Variants in SNTB1 observed in about 807,000 individuals in gnomAD.
SNTB1 encodes beta-1-syntrophin.
Under a neutral mutation model 48.9 loss-of-function variants are expected in SNTB1, and 36 were observed. That is an observed-to-expected ratio of 0.74 (90% CI 0.56 to 0.97). The LOEUF (loss-of-function observed/expected upper bound fraction) is 0.97, where lower values mean the gene tolerates loss of function less well. SNTB1 is among the 50% of genes least tolerant of loss of function. The pLI, the probability that SNTB1 is intolerant of heterozygous loss-of-function variation, is 0.00. For synonymous variants in SNTB1, 299 were observed against 294.6 expected (o/e 1.01, Z -0.15); for missense variants, 786 against 703.4 (o/e 1.12, Z -1.33).
intron 2 of SNTB1, among the ~76,000 whole-genome samples, chr8:120,673,210 A>G (rs1817783560): frequency 6.6e-6 from 1 of 152,072 alleles, no homozygotes; most frequent in South Asian, 2.1e-4. Flanking sequence ...AATTGCCTGC[A>G]TTCAATTCTC....
intron 2 of SNTB1, among the ~76,000 whole-genome samples, chr8:120,665,700 C>T (rs2129765582): frequency 6.6e-6 from 1 of 152,116 alleles, no homozygotes; most frequent in East Asian, 1.9e-4. Context: ...TAGTTGTATG[C>T]TTTACTTTGA....
intron 3 of SNTB1, among the ~76,000 whole-genome samples, chr8:120,590,675 C>A (rs867012576): frequency 2.9e-5 from 4 of 139,030 alleles, no homozygotes; most frequent in Middle Eastern, 3.7e-3. Context: ...CTTTTGTTTT[C>A]TTTTCTTTTC....
intron 2 of SNTB1, among the ~76,000 whole-genome samples, chr8:120,672,520 T>C (rs1817775671): frequency 6.6e-6 from 1 of 152,166 alleles, no homozygotes; most frequent in Non-Finnish European, 1.5e-5. Flanking sequence ...TGTACAATGA[T>C]AATAAAACCT....
At position 120,644,624 on chromosome 8, in the gene SNTB1, C is replaced by T. The variant is rs970410606; in HGVS notation, c.789-11973G>A. 3.3e-5 allele frequency among the ~76,000 whole-genome samples: 5 copies of T among 151,982 alleles called. No individual in the cohort carries two copies. The South Asian group carries it at 6.3e-4, about 19-fold the overall frequency. ...TGTGAATAATGTCGCAATAAACATG[C>T]GTGTGCATGTGTCTTTATAGCAGCA... On this transcript the variant is annotated intron_variant, in intron 2 of 6. Coordinates refer to ENST00000517992, the MANE Select transcript of SNTB1 (RefSeq NM_021021.4).
intron 3 of SNTB1, among the ~76,000 whole-genome samples, chr8:120,619,426 G>A (rs982318562): frequency 7.2e-5 from 11 of 152,116 alleles, no homozygotes; most frequent in African/African-American, 2.7e-4. Flanking sequence ...TTCCAGACAT[G>A]AAGTAATATG....
At chr8:120,540,943 A>G (rs548401785) in intron 6 of SNTB1, among the ~76,000 whole-genome samples, 1 of 152,278 alleles carries the variant, frequency 6.6e-6, no homozygotes, top group East Asian at 1.9e-4. Context: ...CCTGAAAGCC[A>G]ACAAATCCAT....
intron 3 of SNTB1, among the ~76,000 whole-genome samples, chr8:120,612,249 G>A (rs10955977): frequency 0.44 from 66,501 of 152,080 alleles, 17,793 homozygotes; most frequent in Non-Finnish European, 0.62. Context: ...CACTTTGCAT[G>A]TATTATATCA....
At chr8:120,543,442 C>A (rs532763227) in intron 5 of SNTB1, among the ~76,000 whole-genome samples, 74 of 152,230 alleles carry the variant, frequency 4.9e-4, no homozygotes, top group African/African-American at 1.6e-3. Flanking sequence ...GCTTTATAAA[C>A]CACACACTTC....
At chr8:120,637,117 G>T in intron 2 of SNTB1, 1 of 332,736 alleles carries the variant, frequency 3.0e-6, no homozygotes, top group Non-Finnish European at 6.0e-6. Flanking sequence ...AGGCTTGGAA[G>T]AGAAACTTCT....
chr8:120,551,725 CAAAAAAAAA>C lies in SNTB1; in HGVS notation c.1137-2776_1137-2768del, dbSNP rs764008790. Reference sequence around the variant, plus strand: ...TGAGCGACAGAGTGAGACTCCATCTCAAAAAAAAAAAAAAAAAAAAAAAAGTAAGGTTGT... The same window carrying C: ...TGAGCGACAGAGTGAGACTCCATCTCAAAAAAAAAAAAAAAGTAAGGTTGT... On this transcript the variant is annotated intron_variant, in intron 4 of 6. Coordinates refer to ENST00000517992, the MANE Select transcript of SNTB1 (RefSeq NM_021021.4). Among the ~76,000 whole-genome samples, 129 of 42,828 alleles carry C rather than the reference CAAAAAAAAA, an allele frequency of 3.0e-3. 1 individual carries two copies. The highest frequency in any genetic ancestry group is 0.026 in the South Asian group (32 of 1,212). The allele number at this position is 42,828 out of a possible 152,430, so 28.1% of individuals were successfully genotyped here.
At chr8:120,688,983 C>T (rs964498950) in intron 2 of SNTB1, among the ~76,000 whole-genome samples, 1 of 152,136 alleles carries the variant, frequency 6.6e-6, no homozygotes, top group Non-Finnish European at 1.5e-5. Context: ...GTGGGCCTGG[C>T]TCAGGGCAGT....
rs1165662647 is a variant in SNTB1, at chr8:120,811,982, C to A, written c.-139G>T. 7.9e-7 allele frequency: 1 copy of A among 1,271,194 alleles called. No homozygotes were observed. Among genetic ancestry groups the A allele is most frequent in the Non-Finnish European group, 9.9e-7 (1 of 1,014,116 alleles). 78.7% of individuals were successfully genotyped at this position (1,271,194 alleles called of 1,614,324 possible). On this transcript the variant is annotated 5_prime_UTR_variant, in exon 1 of 7. Transcript: ENST00000517992. Reference sequence around the variant, plus strand: ...AGGTGGCGGCACGCGGGACTCCGCTCCGGGAGTTCGCAGACGCACTCGGCG... The same window carrying A: ...AGGTGGCGGCACGCGGGACTCCGCTACGGGAGTTCGCAGACGCACTCGGCG...
intron 2 of SNTB1, among the ~76,000 whole-genome samples, chr8:120,679,384 A>G (rs1817892143): frequency 6.6e-6 from 1 of 152,148 alleles, no homozygotes; most frequent in South Asian, 2.1e-4. Context: ...AATATCTCCA[A>G]AAGCCTAAAC....
chr8:120,550,077 C>T (rs1324105551), intron 4 of SNTB1, among the ~76,000 whole-genome samples: 1 of 152,162 alleles, frequency 6.6e-6, no homozygotes, highest in Non-Finnish European at 1.5e-5. Context: ...ACAAAATTAT[C>T]AGTAGAATAA....
At chr8:120,581,817 G>C (rs1339953898) in intron 3 of SNTB1, among the ~76,000 whole-genome samples, 1 of 152,070 alleles carries the variant, frequency 6.6e-6, no homozygotes, top group Admixed American at 6.6e-5. Context: ...ATGCAGTGGT[G>C]CCACCTTGGC....
chr8:120,809,530 G>A (rs1331492801), intron 1 of SNTB1, among the ~76,000 whole-genome samples: 1 of 151,966 alleles, frequency 6.6e-6, no homozygotes, highest in Non-Finnish European at 1.5e-5. Flanking sequence ...TCTTTGCCAA[G>A]TCATTATTCA....
intron 1 of SNTB1, among the ~76,000 whole-genome samples, chr8:120,791,628 G>C (rs1168770031): frequency 6.6e-6 from 1 of 151,768 alleles, no homozygotes; most frequent in South Asian, 2.1e-4. Flanking sequence ...TAAAATGTGG[G>C]CAAATATCAT....
At chr8:120,775,811 AGT>A (rs1279367657) in intron 1 of SNTB1, among the ~76,000 whole-genome samples, 1 of 152,026 alleles carries the variant, frequency 6.6e-6, no homozygotes, top group Non-Finnish European at 1.5e-5. Context: ...ATGCCTAGGG[AGT>A]GGTGCAGAGG....
In SNTB1 at chr8:120,632,600, G is replaced by T. The variant is rs1180171661; in HGVS notation, c.840C>A (p.Ser280Arg). Residue 280 changes from serine to arginine, a missense_variant, in exon 3 of 7, where the codon AGC becomes AGA. Physicochemically the swap from Ser to Arg is moderately radical, Grantham distance 110. Transcript: ENST00000517992. ...ATGCCTGGGCCGTGGCTGAGTCCTT[G>T]CTCCTTAGGATCACCGTGTGCTTAG... Reference protein sequence around the residue: ...PDAKHTVILRSKDSATAQAWF... With the variant: ...PDAKHTVILRRKDSATAQAWF... The T allele has an allele frequency of 1.2e-6, 2 of 1,614,140 alleles. No individual in the cohort carries two copies. Among genetic ancestry groups the T allele is most frequent in the East Asian group, 2.2e-5 (1 of 44,882 alleles).
Sources: allele counts gnomAD v4.1 joint callset (sites outside exome capture counted in the v4.1 genomes callset), GRCh38; gene constraint gnomAD v4.1.1; transcripts MANE v1.5; gene names NCBI Gene and HGNC (gene_info 2026-07-23, HGNC 2026-07-21).